SUGCT: variants seen among roughly 807,000 people sequenced by gnomAD.
The protein encoded by SUGCT is succinyl-CoA:glutarate CoA-transferase.
A neutral mutation model predicts 55.0 loss-of-function variants in SUGCT; 41 were observed. The observed-to-expected ratio is 0.74, with a 90% CI of 0.58 to 0.97. The LOEUF (loss-of-function observed/expected upper bound fraction) is 0.97, where lower values mean the gene tolerates loss of function less well. SUGCT is among the 50% of genes least tolerant of loss of function. The pLI is 0.00. For synonymous variants in SUGCT, 187 were observed against 200.4 expected (o/e 0.93, Z 0.56); for missense variants, 568 against 547.8 (o/e 1.04, Z -0.37).
At chr7:40,172,591 T>A (rs1007189705) in intron 1 of SUGCT, among the ~76,000 whole-genome samples, 1 of 152,050 alleles carries the variant, frequency 6.6e-6, no homozygotes, top group African/African-American at 2.4e-5. Flanking sequence ...AAAGTCATGA[T>A]CAGGACCCAG....
intron 12 of SUGCT, among the ~76,000 whole-genome samples, chr7:40,615,301 A>AT (rs113636385): frequency 0.26 from 39,029 of 151,878 alleles, 6,965 homozygotes; most frequent in African/African-American, 0.51. Flanking sequence ...TTAACAAGCA[A>AT]TTTTTTTAAC....
Position 40,504,705 on chromosome 7 carries a change from G to T in SUGCT, c.1089+8319G>T, listed in dbSNP as rs185827095. On this transcript the variant is annotated intron_variant, in intron 12 of 13. Transcript: ENST00000335693. ...CACCTTAGCCTCCCAGAGTGCTGGG[G>T]TAACAGGTGTGAGCCACCGTGCCCG... 2.7e-3 allele frequency among the ~76,000 whole-genome samples: 408 copies of T among 152,188 alleles called. 2 individuals carry two copies. The highest frequency in any genetic ancestry group is 0.017 in the Middle Eastern group (5 of 294).
At chr7:40,237,801 C>G (rs1411197593) in intron 7 of SUGCT, 75 bp downstream of exon 7, 5 of 1,219,240 alleles carry the variant, frequency 4.1e-6, no homozygotes, top group African/African-American at 1.5e-5. Flanking sequence ...TGCACTAACC[C>G]ATAGGATTAA....
intron 6 of SUGCT, among the ~76,000 whole-genome samples, chr7:40,223,267 G>A (rs1203884692): frequency 1.3e-5 from 2 of 152,070 alleles, no homozygotes; most frequent in African/African-American, 4.8e-5. Flanking sequence ...CACCATATTG[G>A]TCAGATGGGT....
chr7:40,144,086 G>C (rs1464000326), intron 1 of SUGCT, among the ~76,000 whole-genome samples: 1 of 152,124 alleles, frequency 6.6e-6, no homozygotes, highest in Admixed American at 6.5e-5. Context: ...TCTACACTGG[G>C]GGGCAAGACT....
At chr7:40,664,572 ATGTAAC>A (rs1801505879) in intron 12 of SUGCT, among the ~76,000 whole-genome samples, 1 of 152,232 alleles carries the variant, frequency 6.6e-6, no homozygotes, top group Non-Finnish European at 1.5e-5. Context: ...TTACTGATGT[ATGTAAC>A]TGAAACAAAG....
At chr7:40,259,450 AT>A (rs1207701101) in intron 7 of SUGCT, among the ~76,000 whole-genome samples, 4 of 152,180 alleles carry the variant, frequency 2.6e-5, no homozygotes, top group Admixed American at 2.0e-4. Flanking sequence ...AAGACAGTAG[AT>A]TTTTTAAGCG....
At chr7:40,826,708 A>T (rs1349486842) in intron 13 of SUGCT, among the ~76,000 whole-genome samples, 1 of 152,164 alleles carries the variant, frequency 6.6e-6, no homozygotes, top group African/African-American at 2.4e-5. Context: ...TTTTTGAGTC[A>T]CCCACAGGGC....
the SUGCT span, among the ~76,000 whole-genome samples, chr7:40,866,912 A>G: frequency 3.3e-5 from 5 of 151,866 alleles, no homozygotes; most frequent in East Asian, 9.7e-4. Context: ...CCTGGGTGAC[A>G]TGAGGTGAAA....
At chr7:40,922,990 G>A in the SUGCT span, among the ~76,000 whole-genome samples, 1 of 152,176 alleles carries the variant, frequency 6.6e-6, no homozygotes, top group Non-Finnish European at 1.5e-5. Context: ...TTTGGTAGAA[G>A]GCCATTTTGT....
At chr7:40,205,904 A>C (rs984852692) in intron 6 of SUGCT, among the ~76,000 whole-genome samples, 4 of 152,126 alleles carry the variant, frequency 2.6e-5, no homozygotes, top group African/African-American at 9.7e-5. Flanking sequence ...TGGGCCTAGA[A>C]ATACAGTATA....
the SUGCT span, among the ~76,000 whole-genome samples, chr7:41,003,072 A>G: frequency 1.0e-3 from 156 of 152,308 alleles, no homozygotes; most frequent in African/African-American, 3.7e-3. Context: ...TATAAAGTTT[A>G]AGAAAGATGA....
intron 12 of SUGCT, among the ~76,000 whole-genome samples, chr7:40,502,959 G>A (rs912754224): frequency 1.3e-5 from 2 of 152,056 alleles, no homozygotes; most frequent in African/African-American, 4.8e-5. Context: ...TCTACTACCC[G>A]TTTCTTTTTG....
chr7:40,236,914 A>T (rs1276469840), intron 6 of SUGCT, among the ~76,000 whole-genome samples: 4 of 151,852 alleles, frequency 2.6e-5, no homozygotes, highest in Non-Finnish European at 4.4e-5. Flanking sequence ...GCTCAATGCA[A>T]CCTCCACCTC....
intron 1 of SUGCT, among the ~76,000 whole-genome samples, chr7:40,173,913 CTGTGTGTG>C (rs34789334): frequency 0.01 from 1,444 of 144,008 alleles, 17 homozygotes; most frequent in East Asian, 0.056. Flanking sequence ...AATGTATATC[CTGTGTGTG>C]TGTGTGTGTG....
chr7:40,171,606 T>G (rs894056531), intron 1 of SUGCT, among the ~76,000 whole-genome samples: 1 of 152,226 alleles, frequency 6.6e-6, no homozygotes, highest in Non-Finnish European at 1.5e-5. Context: ...TAAGCTACGT[T>G]TTTGCTTTTT....
At chr7:40,146,157 TC>T (rs952899833) in intron 1 of SUGCT, among the ~76,000 whole-genome samples, 1 of 152,196 alleles carries the variant, frequency 6.6e-6, no homozygotes, top group African/African-American at 2.4e-5. Context: ...TCATAATGTT[TC>T]CTCTGAAAGT....
chr7:40,151,272 G>C (rs1387649147), intron 1 of SUGCT, among the ~76,000 whole-genome samples: 2 of 152,046 alleles, frequency 1.3e-5, no homozygotes, highest in African/African-American at 4.8e-5. Flanking sequence ...AAGAAACAAA[G>C]TTTTATCTTG....
At chr7:40,828,604 A>G (rs1162099806) in intron 13 of SUGCT, among the ~76,000 whole-genome samples, 2 of 151,658 alleles carry the variant, frequency 1.3e-5, no homozygotes, top group Non-Finnish European at 2.9e-5. Flanking sequence ...ACTCAAGAAC[A>G]CAATGTTGAA....
Sources: allele counts gnomAD v4.1 joint callset (sites outside exome capture counted in the v4.1 genomes callset), GRCh38; gene constraint gnomAD v4.1.1; transcripts MANE v1.5; gene names NCBI Gene and HGNC (gene_info 2026-07-23, HGNC 2026-07-21).